The following PDE10A variants were observed in gnomAD, a reference collection of about 807,000 sequenced individuals.
PDE10A encodes phosphodiesterase 10A.
In PDE10A, 39 loss-of-function variants were observed where a neutral mutation model predicts 97.7. That is an observed-to-expected ratio of 0.40 (90% CI 0.31 to 0.52). The LOEUF is 0.52. Ranked by LOEUF, PDE10A falls within the 20% of genes least tolerant of loss-of-function variation. The pLI, the probability that PDE10A is intolerant of heterozygous loss-of-function variation, is 0.56. For synonymous variants in PDE10A, 371 were observed against 376.8 expected (o/e 0.98, Z 0.18); for missense variants, 731 against 1,047.8 (o/e 0.70, Z 4.17).
intron 1 of PDE10A, among the ~76,000 whole-genome samples, chr6:165,958,414 G>T (rs749669553): frequency 6.6e-6 from 1 of 150,728 alleles, no homozygotes; most frequent in Non-Finnish European, 1.5e-5. Context: ...GCAGTGAGCT[G>T]AGATCGTGCC....
rs1262662153 is a variant in PDE10A, at chr6:165,380,153, G to GA, written c.2611-788dup. Among the ~76,000 whole-genome samples the GA allele has an allele frequency of 3.9e-5, 6 of 152,004 alleles. No individual in the cohort carries two copies. In the South Asian group the frequency reaches 8.3e-4, roughly 21 times the overall value. On this transcript the variant is annotated intron_variant, in intron 17 of 21. Coordinates refer to ENST00000539869, the MANE Select transcript of PDE10A (RefSeq NM_001385079.1). ...TTAAGGTTTTTATTTGTAATTGAGGGAAAAAAACCCTTTGTTGAAACTAAA... is the reference window on the plus strand; with the variant it reads ...TTAAGGTTTTTATTTGTAATTGAGGGAAAAAAAACCCTTTGTTGAAACTAAA...
intron 1 of PDE10A, among the ~76,000 whole-genome samples, chr6:165,575,748 A>G (rs1443090329): frequency 6.6e-6 from 1 of 152,192 alleles, no homozygotes; most frequent in South Asian, 2.1e-4. Flanking sequence ...ATGTGTTAAT[A>G]ATCACCCAAT....
intron 3 of PDE10A, among the ~76,000 whole-genome samples, chr6:165,474,051 A>C (rs1280963363): frequency 6.6e-6 from 1 of 152,218 alleles, no homozygotes; most frequent in Non-Finnish European, 1.5e-5. Flanking sequence ...GACGTTGCCA[A>C]AGTTTCATTT....
At chr6:165,361,772 A>G (rs1783443260) in intron 18 of PDE10A, among the ~76,000 whole-genome samples, 1 of 152,124 alleles carries the variant, frequency 6.6e-6, no homozygotes, top group Non-Finnish European at 1.5e-5. Flanking sequence ...GGAGAGAAAC[A>G]TTGAACTTAC....
At chr6:165,971,870 C>G (rs1784686070) in intron 1 of PDE10A, among the ~76,000 whole-genome samples, 1 of 152,074 alleles carries the variant, frequency 6.6e-6, no homozygotes, top group Non-Finnish European at 1.5e-5. Flanking sequence ...CCTATCAAAT[C>G]TAGACTACCC....
intron 1 of PDE10A, among the ~76,000 whole-genome samples, chr6:165,568,128 A>G (rs1280902020): frequency 1.3e-5 from 2 of 151,192 alleles, no homozygotes; most frequent in South Asian, 2.1e-4. Context: ...CCTCCCGAGT[A>G]GCTGGGACTA....
intron 1 of PDE10A, among the ~76,000 whole-genome samples, chr6:165,784,932 A>T (rs2128462451): frequency 6.6e-6 from 1 of 152,322 alleles, no homozygotes; most frequent in South Asian, 2.1e-4. Flanking sequence ...ACTGGTTTTC[A>T]CAGAGAAGAC....
chr6:165,372,699 G>T (rs1015823634), intron 18 of PDE10A, among the ~76,000 whole-genome samples: 27 of 142,016 alleles, frequency 1.9e-4, no homozygotes, highest in South Asian at 1.3e-3. Flanking sequence ...AGCTACCAAT[G>T]ACTTTCTTCA....
chr6:165,664,089 G>A (rs1790431772), upstream of PDE10A, among the ~76,000 whole-genome samples: 1 of 152,148 alleles, frequency 6.6e-6, no homozygotes, highest in South Asian at 2.1e-4. Flanking sequence ...TGTCCGGACT[G>A]CCTGGACGAG....
Position 165,662,251 on chromosome 6 carries a change from G to T in PDE10A, c.561C>A (p.Ser187Arg). 1 of 167,598 alleles carries T rather than the reference G, an allele frequency of 6.0e-6. No individual in the cohort carries two copies. The highest frequency in any genetic ancestry group is 1.2e-5 in the Non-Finnish European group (1 of 82,714). The allele number at this position is 167,598 out of a possible 1,614,324, so 10.4% of individuals were successfully genotyped here. ...GGAAGAGCCGCCGCCGCCCGCCGCC[G>T]CTGCCACCGCCGCCGCGGTGACTAC... is the stretch of plus-strand genomic sequence containing the variant. ...TSSSHRGGGG[S>R]GGGRRRLFLS... is the part of the protein sequence containing the mutation. Residue 187 changes from serine to arginine, a missense_variant, in exon 1 of 22, where the codon AGC becomes AGA. By Grantham distance (110) the Ser-to-Arg change is moderately radical. Transcript: ENST00000539869.
At chr6:165,663,258 C>T (rs946318008), upstream of PDE10A, among the ~76,000 whole-genome samples, 1 of 147,964 alleles carries the variant, frequency 6.8e-6, no homozygotes, top group African/African-American at 2.6e-5. Flanking sequence ...GCAGGCGCTC[C>T]CCACGCCGCC....
At chr6:165,826,775 G>T (rs1038060848) in intron 1 of PDE10A, among the ~76,000 whole-genome samples, 2 of 146,960 alleles carry the variant, frequency 1.4e-5, no homozygotes, top group African/African-American at 5.0e-5. Context: ...ATGTGCGGTT[G>T]GGAGGGGGGA....
chr6:165,533,252 T>C (rs1050180949), intron 2 of PDE10A, among the ~76,000 whole-genome samples: 2 of 152,194 alleles, frequency 1.3e-5, no homozygotes, highest in African/African-American at 4.8e-5. Flanking sequence ...ATATGTCACT[T>C]AATGGTGAGA....
chr6:165,476,070 A>C (rs892495514), intron 3 of PDE10A, among the ~76,000 whole-genome samples: 1 of 152,186 alleles, frequency 6.6e-6, no homozygotes, highest in Non-Finnish European at 1.5e-5. Flanking sequence ...ACATAAGGAT[A>C]ATCTATTAAT....
intron 1 of PDE10A, among the ~76,000 whole-genome samples, chr6:165,856,040 G>C (rs996856466): frequency 1.7e-4 from 26 of 152,234 alleles, no homozygotes; most frequent in African/African-American, 6.3e-4. Flanking sequence ...GAGGGGCCAG[G>C]ACTCAGCCTT....
chr6:165,773,551 C>T (rs1353498478), intron 1 of PDE10A, among the ~76,000 whole-genome samples: 1 of 152,156 alleles, frequency 6.6e-6, no homozygotes, highest in South Asian at 2.1e-4. Flanking sequence ...AAGTCCAGAT[C>T]TTTGAGTTCA....
intron 13 of PDE10A, among the ~76,000 whole-genome samples, chr6:165,404,255 G>C (rs529154828): frequency 6.6e-6 from 1 of 152,022 alleles, no homozygotes; most frequent in Non-Finnish European, 1.5e-5. Flanking sequence ...TGCTGCAGCC[G>C]ACTAAAGAAA....
intron 1 of PDE10A, among the ~76,000 whole-genome samples, chr6:165,841,424 A>T (rs577113744): frequency 6.6e-6 from 1 of 152,294 alleles, no homozygotes; most frequent in Non-Finnish European, 1.5e-5. Flanking sequence ...TGGATGTTGC[A>T]GTTGGGGCCA....
At chr6:165,823,505 TA>T (rs1562754420) in intron 1 of PDE10A, among the ~76,000 whole-genome samples, 28 of 98,020 alleles carry the variant, frequency 2.9e-4, no homozygotes, top group Non-Finnish European at 1.7e-4. Flanking sequence ...TATATATATA[TA>T]TATATATATA....
Sources: allele counts gnomAD v4.1 joint callset (sites outside exome capture counted in the v4.1 genomes callset), GRCh38; gene constraint gnomAD v4.1.1; transcripts MANE v1.5; gene names NCBI Gene and HGNC (gene_info 2026-07-23, HGNC 2026-07-21).